LAMA2: variants seen among roughly 807,000 people sequenced by gnomAD.
The protein encoded by LAMA2 is laminin subunit alpha 2, also known as laminin subunit alpha-2.
A neutral mutation model predicts 364.8 loss-of-function variants in LAMA2; 269 were observed. That is an observed-to-expected ratio of 0.74 (90% confidence interval 0.67 to 0.82). The LOEUF (loss-of-function observed/expected upper bound fraction) is 0.82, where lower values mean the gene tolerates loss of function less well. LAMA2 is among the 40% of genes least tolerant of loss of function. The pLI is 0.00. For missense variants in LAMA2, 3,807 were observed against 3,873.2 expected, an observed-to-expected ratio of 0.98 and a Z score of 0.45; for synonymous variants, 1,379 against 1,370.6, an observed-to-expected ratio of 1.01 and a Z score of -0.14.
chr6:129,369,833 G>T (rs73589104), intron 33 of LAMA2, 59 bp from the exon 34 acceptor site: 1 of 1,390,344 alleles, frequency 7.2e-7, no homozygotes, highest in East Asian at 2.3e-5. Context: ...GTGTTCTGTC[G>T]AACACTATCA....
intron 1 of LAMA2, among the ~76,000 whole-genome samples, chr6:128,987,088 G>A (rs1344730206): frequency 1.4e-5 from 2 of 145,014 alleles, no homozygotes; most frequent in African/African-American, 5.0e-5. Flanking sequence ...TTGTGCACGT[G>A]TCTTTTGCTT....
At chr6:129,150,760 CAT>C (rs2114970608) in intron 7 of LAMA2, among the ~76,000 whole-genome samples, 1 of 152,120 alleles carries the variant, frequency 6.6e-6, no homozygotes, top group East Asian at 1.9e-4. Context: ...GCCATAAAGC[CAT>C]ACATAAAAAT....
intron 43 of LAMA2, 181 bp from the exon 44 acceptor site, chr6:129,442,882 T>A: frequency 1.7e-6 from 1 of 574,804 alleles, no homozygotes; most frequent in East Asian, 2.9e-5. Flanking sequence ...GCCACTAAAT[T>A]ATATATTTTG....
At chr6:128,939,999 G>T (rs756785259) in intron 1 of LAMA2, among the ~76,000 whole-genome samples, 37 of 152,032 alleles carry the variant, frequency 2.4e-4, no homozygotes, top group African/African-American at 4.8e-5. Flanking sequence ...AGTTTACAGT[G>T]GTCTACCATG....
At chr6:129,158,742 T>G in intron 8 of LAMA2, 2 of 1,614,214 alleles carry the variant, frequency 1.2e-6, no homozygotes, top group South Asian at 2.2e-5. Flanking sequence ...CATAAATTGG[T>G]CCGACAACAT....
intron 4 of LAMA2, among the ~76,000 whole-genome samples, chr6:129,137,420 T>C (rs191824060): frequency 1.3e-5 from 2 of 152,218 alleles, no homozygotes; most frequent in East Asian, 1.9e-4. Context: ...AAAATATAAA[T>C]GGCTCTGCTA....
At chr6:129,190,376 G>C in intron 11 of LAMA2, 31 bp downstream of exon 11, 1 of 1,607,954 alleles carries the variant, frequency 6.2e-7, no homozygotes, top group Non-Finnish European at 8.5e-7. Flanking sequence ...TCTGTTTGCT[G>C]CCCCAGCAGC....
chr6:128,994,379 T>TAC (rs2114666696), intron 1 of LAMA2, among the ~76,000 whole-genome samples: 1 of 152,312 alleles, frequency 6.6e-6, no homozygotes, highest in South Asian at 2.1e-4. Flanking sequence ...TCATACCATA[T>TAC]ACACACCTAT....
At chr6:129,113,369 C>G (rs78839374) in intron 4 of LAMA2, among the ~76,000 whole-genome samples, 1 of 152,080 alleles carries the variant, frequency 6.6e-6, no homozygotes, top group Non-Finnish European at 1.5e-5. Flanking sequence ...TGGATGTAGT[C>G]TTTTTGCTGG....
chr6:129,473,220 T>C lies in LAMA2; in HGVS notation c.7307T>C (p.Ile2436Thr). The change falls in exon 52 of 65, where the codon ATA becomes ACA. Residue 2436 changes from isoleucine to threonine, a missense_variant. Physicochemically the swap from Ile to Thr is moderately conservative, Grantham distance 89. Transcript: ENST00000421865. ...CTTTCTTTCTCCTTTACAGCCAATA[T>C]ATCAATTGTAGATATAGATACTAAT... is the stretch of plus-strand genomic sequence containing the variant. ...TLSRIQKQAN[I>T]SIVDIDTNQE... 6.3e-7 allele frequency: 1 copy of C among 1,592,572 alleles called. No individual in the cohort carries two copies. The highest frequency in any genetic ancestry group is 8.6e-7 in the Non-Finnish European group (1 of 1,161,306).
At chr6:129,250,058 G>A (rs1415848881) in intron 12 of LAMA2, 54 bp from the exon 13 acceptor site, 2 of 1,051,064 alleles carry the variant, frequency 1.9e-6, no homozygotes, top group Non-Finnish European at 3.0e-6. Flanking sequence ...AGTAAAATAT[G>A]ATTTAATAGC....
intron 4 of LAMA2, among the ~76,000 whole-genome samples, chr6:129,124,648 T>C (rs1203952574): frequency 1.3e-5 from 2 of 152,226 alleles, no homozygotes; most frequent in African/African-American, 4.8e-5. Flanking sequence ...TGTGTCAGGC[T>C]AAATTGCTGT....
At chr6:129,413,139 A>G (rs1780618312) in intron 40 of LAMA2, among the ~76,000 whole-genome samples, 1 of 152,206 alleles carries the variant, frequency 6.6e-6, no homozygotes, top group African/African-American at 2.4e-5. Context: ...TCTAACCAGA[A>G]GAAAGCTGGT....
chr6:129,055,162 T>C (rs1788380319), intron 2 of LAMA2, among the ~76,000 whole-genome samples: 1 of 49,456 alleles, frequency 2.0e-5, no homozygotes, highest in South Asian at 7.5e-4. Context: ...TGGATTTACT[T>C]TACATTATTA....
intron 1 of LAMA2, among the ~76,000 whole-genome samples, chr6:128,959,854 A>C (rs1014207023): frequency 6.6e-6 from 1 of 152,038 alleles, no homozygotes; most frequent in Non-Finnish European, 1.5e-5. Flanking sequence ...CCCTTGAAAA[A>C]ATGTAGATTC....
At chr6:129,488,239 G>A (rs1394294665) in intron 56 of LAMA2, among the ~76,000 whole-genome samples, 1 of 152,100 alleles carries the variant, frequency 6.6e-6, no homozygotes, top group Non-Finnish European at 1.5e-5. Flanking sequence ...AAACCAGGGG[G>A]ACAGAGGTTT....
chr6:129,099,125 G>GTTTTTTTTTTTTTTTTTTTTTT (rs370334822), intron 4 of LAMA2, among the ~76,000 whole-genome samples: 1 of 129,802 alleles, frequency 7.7e-6, no homozygotes, highest in African/African-American at 2.9e-5. Context: ...TTTTTTTTTT[G>GTTTTTTTTTTTTTTTTTTTTTT]TTTTTTTTTT....
rs1266258675 is a variant in LAMA2, at chr6:128,909,304, A to G, written c.112+25947A>G. 4.6e-5 allele frequency among the ~76,000 whole-genome samples: 7 copies of G among 151,976 alleles called. No individual in the cohort carries two copies. The East Asian group carries it at 1.3e-3, about 29-fold the overall frequency. ...TTGTAGGTCACTCAGGACTTGCTTT[A>G]TGAATCTGGGTGCTCCTGTGTTGGG... On this transcript the variant is annotated intron_variant, in intron 1 of 64. Coordinates refer to ENST00000421865, the MANE Select transcript of LAMA2 (RefSeq NM_000426.4).
At chr6:129,448,147 G>T (rs748991125) in intron 45 of LAMA2, among the ~76,000 whole-genome samples, 5 of 152,118 alleles carry the variant, frequency 3.3e-5, no homozygotes, top group Middle Eastern at 6.8e-3. Context: ...AATTACCTGG[G>T]CATGGTACAT....
Sources: allele counts gnomAD v4.1 joint callset (sites outside exome capture counted in the v4.1 genomes callset), GRCh38; gene constraint gnomAD v4.1.1; transcripts MANE v1.5; gene names NCBI Gene and HGNC (gene_info 2026-07-23, HGNC 2026-07-21).